Variants in CCDC83 observed in about 807,000 individuals in gnomAD.
CCDC83 encodes coiled-coil domain-containing protein 83.
CCDC83 carries 54 observed loss-of-function variants against 50.1 expected under a neutral mutation model. That is an observed-to-expected ratio of 1.08 (90% CI 0.87 to 1.35). CCDC83 has a LOEUF of 1.35. CCDC83 is among the 40% of genes most tolerant of loss of function. The pLI is 0.00. For missense variants in CCDC83, 518 were observed against 473.9 expected (o/e 1.09, Z -0.86); for synonymous variants, 161 against 153.3 (o/e 1.05, Z -0.37).
intron 2 of CCDC83, among the ~76,000 whole-genome samples, chr11:85,866,867 A>AC (rs1277061865): frequency 6.6e-6 from 1 of 152,172 alleles, no homozygotes; most frequent in African/African-American, 2.4e-5. Flanking sequence ...CTTATGGAAG[A>AC]CAGGAGGGTA....
chr11:85,895,290 AAG>A lies in CCDC83; in HGVS notation c.512-1_512del. On this transcript the variant is annotated splice_acceptor_variant, in intron 5 of 10. Transcript: ENST00000342404. LOFTEE classifies it high-confidence loss of function. ...TTTTTTTTTTTTTTTTTTTTTTTTA[AAG>A]AACACTATAAAATCACTCTGGAAGA... 1 of 778,612 alleles carries A rather than the reference AAG, an allele frequency of 1.3e-6. No individual in the cohort carries two copies. Among genetic ancestry groups the A allele is most frequent in the Non-Finnish European group, 1.9e-6 (1 of 513,268 alleles). 48.2% of individuals were successfully genotyped at this position (778,612 alleles called of 1,614,324 possible). A position where few individuals can be genotyped will look rare whatever the true frequency, so the allele number is the denominator to read the frequency against.
At chr11:85,871,246 T>G (rs1179166535) in intron 2 of CCDC83, among the ~76,000 whole-genome samples, 1 of 152,192 alleles carries the variant, frequency 6.6e-6, no homozygotes, top group African/African-American at 2.4e-5. Context: ...TAAATCTACA[T>G]TGTATGTATG....
At chr11:85,898,547 A>C (rs2093385923) in intron 6 of CCDC83, among the ~76,000 whole-genome samples, 2 of 152,352 alleles carry the variant, frequency 1.3e-5, no homozygotes, top group East Asian at 3.9e-4. Context: ...AAATCTTTTC[A>C]AATTAAAAAG....
intron 7 of CCDC83, among the ~76,000 whole-genome samples, chr11:85,906,290 G>A (rs569954482): frequency 6.6e-6 from 1 of 152,084 alleles, no homozygotes; most frequent in Admixed American, 6.5e-5. Context: ...TAGTCTCAAA[G>A]TCCCGACCTC....
chr11:85,902,848 T>C (rs2093408321), intron 7 of CCDC83, among the ~76,000 whole-genome samples: 1 of 152,204 alleles, frequency 6.6e-6, no homozygotes, highest in African/African-American at 2.4e-5. Context: ...GTATACAGCA[T>C]GGGTTATAGC....
chr11:85,861,004 A>G (rs1034654705), intron 1 of CCDC83, among the ~76,000 whole-genome samples: 9 of 152,214 alleles, frequency 5.9e-5, no homozygotes, highest in African/African-American at 2.2e-4. Flanking sequence ...GGGAAAAAAA[A>G]AAGTACAAAT....
intron 8 of CCDC83, 73 bp downstream of exon 8, chr11:85,911,475 C>CA (rs140532988): frequency 0.18 from 219,832 of 1,229,592 alleles, 23,077 homozygotes; most frequent in Non-Finnish European, 0.2. Flanking sequence ...TTTTTTAAAA[C>CA]AAAAAAAGAT....
rs2135080725 is a variant in CCDC83 at position 85,895,390 on chromosome 11, A to T, written c.603+6A>T. On this transcript the variant is annotated splice_donor_region_variant and intron_variant, in intron 6 of 10. Transcript: ENST00000342404. Reference sequence around the variant, plus strand: ...AGAAGGAATGGGCCACACAGGTATAATTCAATTTTCTTAAAAACAGAACAA... The same window carrying T: ...AGAAGGAATGGGCCACACAGGTATATTTCAATTTTCTTAAAAACAGAACAA... 6.6e-7 allele frequency: 1 copy of T among 1,514,300 alleles called. No homozygotes were observed. Among genetic ancestry groups the T allele is most frequent in the African/African-American group, 1.4e-5 (1 of 70,980 alleles). The allele number at this position is 1,514,300 out of a possible 1,614,324, so 93.8% of individuals were successfully genotyped here.
In CCDC83 at chr11:85,865,168, G is replaced by C; in HGVS notation, c.45G>C (p.Gly15=). Residue 15 remains glycine, a synonymous_variant, in exon 2 of 11, where the codon GGG becomes GGC. Transcript: ENST00000342404. ...GKANKKDTHD[G]PPKEIKLPTS... is the part of the protein sequence containing the mutation. ...CAAATAAAAAGGATACACATGACGG[G>C]CCACCAAAAGAAATTAAACTGCCTA... The C allele has an allele frequency of 1.2e-6, 2 of 1,613,178 alleles. No homozygotes were observed. Among genetic ancestry groups the C allele is most frequent in the Middle Eastern group, 1.7e-4 (1 of 6,060 alleles).
chr11:85,901,114 C>T (rs991640283), intron 7 of CCDC83, among the ~76,000 whole-genome samples: 1 of 151,498 alleles, frequency 6.6e-6, no homozygotes, highest in Non-Finnish European at 1.5e-5. Flanking sequence ...CATCTATAAT[C>T]CCAGCATTTT....
chr11:85,856,399 A>G (rs2093141276), intron 1 of CCDC83, among the ~76,000 whole-genome samples: 1 of 152,162 alleles, frequency 6.6e-6, no homozygotes, highest in Admixed American at 6.5e-5. Flanking sequence ...CCTTATCCTC[A>G]TAATAATATT....
chr11:85,906,619 C>G (rs1357495267), intron 7 of CCDC83, among the ~76,000 whole-genome samples: 1 of 152,150 alleles, frequency 6.6e-6, no homozygotes, highest in Non-Finnish European at 1.5e-5. Flanking sequence ...TGGCTCCCAC[C>G]TATACTACCA....
chr11:85,911,693 G>T (rs2093455343), intron 8 of CCDC83, among the ~76,000 whole-genome samples: 1 of 152,160 alleles, frequency 6.6e-6, no homozygotes, highest in Non-Finnish European at 1.5e-5. Context: ...ACCAGCAGGG[G>T]TAATGGTCAT....
At chr11:85,905,599 A>T (rs1254903479) in intron 7 of CCDC83, among the ~76,000 whole-genome samples, 1 of 144,518 alleles carries the variant, frequency 6.9e-6, no homozygotes, top group African/African-American at 2.6e-5. Context: ...AACAAGAGCC[A>T]GACTCAGACT....
intron 1 of CCDC83, among the ~76,000 whole-genome samples, chr11:85,856,303 CAGAAGATCCTCTTT>C (rs1488075781): frequency 2.0e-5 from 3 of 152,090 alleles, no homozygotes; most frequent in African/African-American, 7.2e-5. Flanking sequence ...CAGCCACCTC[CAGAAGATCCTCTTT>C]AGACTCACTA....
chr11:85,900,664 G>A (rs185192517), intron 7 of CCDC83, among the ~76,000 whole-genome samples: 9 of 152,172 alleles, frequency 5.9e-5, no homozygotes, highest in African/African-American at 2.2e-4. Flanking sequence ...GAAGAGAAAG[G>A]CCAAGTGAAT....
At chr11:85,871,082 G>A (rs950082195) in intron 2 of CCDC83, among the ~76,000 whole-genome samples, 12 of 152,114 alleles carry the variant, frequency 7.9e-5, no homozygotes, top group South Asian at 2.1e-4. Context: ...TGGGACAAGC[G>A]CTTGAACCTG....
chr11:85,855,082 A>G (rs943521123), upstream of CCDC83: 1 of 152,188 alleles, frequency 6.6e-6, no homozygotes, highest in Admixed American at 6.5e-5. Flanking sequence ...AGTAGGGAGG[A>G]GGACGTCGGT....
intron 3 of CCDC83, 21 bp downstream of exon 3, chr11:85,873,316 C>T (rs768878602): frequency 4.0e-6 from 4 of 1,006,144 alleles, no homozygotes; most frequent in Non-Finnish European, 5.9e-6. Context: ...AATTTAGAAC[C>T]TATATATAGT....
Sources: gnomAD v4.1 joint callset for allele counts (sites outside exome capture counted in the v4.1 genomes callset) on GRCh38, gnomAD v4.1.1 for gene constraint, MANE v1.5 for transcripts, NCBI Gene and HGNC (gene_info 2026-07-23, HGNC 2026-07-21) for gene names.